The following SLC2A9 variants were observed in gnomAD, a reference collection of about 807,000 sequenced individuals.
SLC2A9 encodes the protein solute carrier family 2 member 9.
SLC2A9 carries 39 observed loss-of-function variants against 50.6 expected under a neutral mutation model. The observed-to-expected ratio is 0.77, with a 90% CI of 0.60 to 1.01. The LOEUF (loss-of-function observed/expected upper bound fraction) is 1.01. Among genes scored for constraint, SLC2A9 ranks in the 50% least tolerant of loss-of-function variants. The pLI, the probability that SLC2A9 is intolerant of heterozygous loss-of-function variation, is 0.00. For missense variants in SLC2A9, 686 were observed against 677.6 expected, an observed-to-expected ratio of 1.01 and a Z score of -0.14; for synonymous variants, 324 against 276.9, an observed-to-expected ratio of 1.17 and a Z score of -1.69.
chr4:9,976,740 T>A (rs1378243879), intron 5 of SLC2A9, among the ~76,000 whole-genome samples: 1 of 152,212 alleles, frequency 6.6e-6, no homozygotes, highest in Non-Finnish European at 1.5e-5. Context: ...TTGGCTGGCA[T>A]CATGTTCATG....
chr4:9,826,644 A>G, intron 11 of SLC2A9, 44 bp from the exon 12 acceptor site: 4 of 1,571,334 alleles, frequency 2.5e-6, no homozygotes, highest in Non-Finnish European at 3.5e-6. Flanking sequence ...GATAATCAGT[A>G]AACTTGCTGT....
intron 2 of SLC2A9, among the ~76,000 whole-genome samples, chr4:10,011,230 G>A (rs1166044639): frequency 6.6e-6 from 1 of 152,156 alleles, no homozygotes; most frequent in African/African-American, 2.4e-5. Flanking sequence ...AGCAAGAGGA[G>A]CTTTGACTCA....
At chr4:9,885,255 C>A (rs1389692620) in intron 10 of SLC2A9, among the ~76,000 whole-genome samples, 1 of 152,156 alleles carries the variant, frequency 6.6e-6, no homozygotes. Flanking sequence ...GCTCTCCTCT[C>A]CCTCCAGCTT....
chr4:9,905,338 G>A (rs1740466292), intron 8 of SLC2A9, among the ~76,000 whole-genome samples: 1 of 152,226 alleles, frequency 6.6e-6, no homozygotes. Flanking sequence ...CAGGCACCAT[G>A]GCAAAGGCCC....
chr4:9,781,996 C>A (rs1393032883), intron 3 of SLC2A9: 2 of 1,424,778 alleles, frequency 1.4e-6, no homozygotes, highest in Non-Finnish European at 1.8e-6. Flanking sequence ...GAAGTTGGGA[C>A]CGCGCACAGA....
intron 10 of SLC2A9, among the ~76,000 whole-genome samples, chr4:9,841,119 T>C (rs1447190205): frequency 6.6e-6 from 1 of 152,236 alleles, no homozygotes; most frequent in Admixed American, 6.5e-5. Flanking sequence ...CTGGTGTTGA[T>C]TTTCCTATAG....
chr4:9,956,605 G>A (rs1751337633), intron 5 of SLC2A9, among the ~76,000 whole-genome samples: 1 of 152,210 alleles, frequency 6.6e-6, no homozygotes. Context: ...TTCACATAGA[G>A]GCTGGGTGCT....
chr4:9,871,394 A>G (rs1733409399), intron 10 of SLC2A9, among the ~76,000 whole-genome samples: 1 of 152,176 alleles, frequency 6.6e-6, no homozygotes, highest in Non-Finnish European at 1.5e-5. Flanking sequence ...TCTAAAATCA[A>G]GGTGTTGGCA....
chr4:9,775,774 G>A (rs1039508017), downstream of SLC2A9, among the ~76,000 whole-genome samples: 7 of 152,160 alleles, frequency 4.6e-5, no homozygotes, highest in Non-Finnish European at 8.8e-5. Context: ...GCAAAACCAT[G>A]AGACAATTCA....
chr4:9,978,217 A>G (rs1157453204), intron 5 of SLC2A9, among the ~76,000 whole-genome samples: 8 of 152,220 alleles, frequency 5.3e-5, no homozygotes, highest in Non-Finnish European at 2.9e-5. Flanking sequence ...TTGCAGTCTG[A>G]GTAAGAAAGA....
chr4:9,825,517 A>G (rs749114786), downstream of SLC2A9, among the ~76,000 whole-genome samples: 1 of 114,988 alleles, frequency 8.7e-6, no homozygotes, highest in Non-Finnish European at 1.8e-5. Context: ...GGCAGAGATC[A>G]CCAATTAATC....
chr4:9,881,750 A>AAACC (rs1735255518), intron 10 of SLC2A9, among the ~76,000 whole-genome samples: 1 of 152,220 alleles, frequency 6.6e-6, no homozygotes, highest in South Asian at 2.1e-4. Flanking sequence ...GCCATGGCTG[A>AAACC]AGGAATTCCT....
At chr4:9,913,252 T>C (rs2110027167) in intron 7 of SLC2A9, among the ~76,000 whole-genome samples, 1 of 152,056 alleles carries the variant, frequency 6.6e-6, no homozygotes, top group African/African-American at 2.4e-5. Context: ...AGAAAACTAA[T>C]ATATACTGGA....
chr4:9,808,717 G>T (rs181984455), intron 3 of SLC2A9, among the ~76,000 whole-genome samples: 2 of 152,142 alleles, frequency 1.3e-5, no homozygotes, highest in Non-Finnish European at 2.9e-5. Context: ...CTTTGAGAAA[G>T]GTTGTCTCTC....
intron 10 of SLC2A9, among the ~76,000 whole-genome samples, chr4:9,880,856 C>T (rs139386800): frequency 9.0e-4 from 137 of 152,356 alleles, no homozygotes; most frequent in African/African-American, 3.0e-3. Flanking sequence ...CTGCCCTGGG[C>T]TGGCTGCTCC....
intron 7 of SLC2A9, among the ~76,000 whole-genome samples, chr4:9,919,139 C>T (rs554082994): frequency 6.6e-6 from 1 of 152,288 alleles, no homozygotes; most frequent in East Asian, 1.9e-4. Context: ...AAACAATTCA[C>T]TTCCCCTCTC....
intron 3 of SLC2A9, among the ~76,000 whole-genome samples, chr4:9,995,291 T>C (rs1758449465): frequency 6.6e-6 from 1 of 152,168 alleles, no homozygotes. Flanking sequence ...TTCCCATTAA[T>C]TACTGCTCTG....
At chr4:9,988,289 A>G (rs1757094291) in intron 3 of SLC2A9, among the ~76,000 whole-genome samples, 1 of 152,244 alleles carries the variant, frequency 6.6e-6, no homozygotes, top group African/African-American at 2.4e-5. Flanking sequence ...AGAGGAGCCA[A>G]GGATGCCTCC....
chr4:10,032,261 G>C (rs553123109), intron 1 of SLC2A9, among the ~76,000 whole-genome samples: 1 of 152,222 alleles, frequency 6.6e-6, no homozygotes, highest in African/African-American at 2.4e-5. Context: ...GGAGGAGTGG[G>C]AATTAACTGA....
Sources: gnomAD v4.1 joint callset for allele counts (sites outside exome capture counted in the v4.1 genomes callset) on GRCh38, gnomAD v4.1.1 for gene constraint, MANE v1.5 for transcripts, NCBI Gene and HGNC (gene_info 2026-07-23, HGNC 2026-07-21) for gene names.